The following GSTA2 variants were observed in gnomAD, a reference collection of about 807,000 sequenced individuals.
The protein encoded by GSTA2 is glutathione S-transferase alpha 2.
In GSTA2, 27 loss-of-function variants were observed where a neutral mutation model predicts 22.4. The ratio of observed to expected loss-of-function variants is 1.21; its 90% confidence interval spans 0.89 to 1.67. The LOEUF (loss-of-function observed/expected upper bound fraction) is 1.67, where lower values mean the gene tolerates loss of function less well. Among genes scored for constraint, GSTA2 ranks in the 40% most tolerant of loss-of-function variants. GSTA2 has a pLI of 0.00. For synonymous variants in GSTA2, 121 were observed against 86.8 expected (o/e 1.39, Z -2.19); for missense variants, 302 against 260.2 (o/e 1.16, Z -1.11).
In GSTA2 at chr6:52,758,104, G is replaced by C. The variant is rs1762882652; in HGVS notation, c.-30-127C>G. 6.6e-6 allele frequency: 4 copies of C among 607,846 alleles called. No homozygotes were observed. The Admixed American group carries it at 1.2e-4, about 19-fold the overall frequency. The allele number at this position is 607,846 out of a possible 1,614,324, so 37.7% of individuals were successfully genotyped here. ...ACCTGCCTTCTTCATGACGGTGTTG[G>C]AGGAGTTCCCGGAATGTTTTCTTGG... On this transcript the variant is annotated intron_variant, in intron 1 of 6. Transcript: ENST00000493422.
rs745778130 is a variant in GSTA2, at chr6:52,751,589, G to C, written c.534C>G (p.Phe178Leu). 19 of 1,613,960 alleles carry C rather than the reference G, an allele frequency of 1.2e-5. 1 individual carries two copies. The highest frequency in any genetic ancestry group is 4.2e-6 in the Non-Finnish European group (5 of 1,179,982). The change falls in exon 6 of 7, where the codon TTC (phenylalanine) becomes TTG (leucine). Residue 178 changes from phenylalanine to leucine, a missense_variant. Phe to Leu is a conservative substitution (Grantham distance 22, BLOSUM62 0). Transcript: ENST00000493422. Reference protein sequence around the residue: ...EELDSSLISSFPLLKALKTRI... With the variant: ...EELDSSLISSLPLLKALKTRI... Reference sequence around the variant, plus strand: ...TGAAATGGGTCACCTTCAGCAGAGGGAAGCTGGAAATAAGGCTAGAGTCAA... The same window carrying C: ...TGAAATGGGTCACCTTCAGCAGAGGCAAGCTGGAAATAAGGCTAGAGTCAA...
rs70977382 is a variant in GSTA2, at chr6:52,759,563, G to GTTTTTTTTTT, written c.-30-1596_-30-1587dup. Reference sequence around the variant, plus strand: ...CCTTTAACAACTAATGTATTTATTTGTTTTTTTTTTTTTTTTTTTTTTTTT... The same window carrying GTTTTTTTTTT: ...CCTTTAACAACTAATGTATTTATTTGTTTTTTTTTTTTTTTTTTTTTTTTTTTTTTTTTTT... On this transcript the variant is annotated intron_variant, in intron 1 of 6. Coordinates refer to ENST00000493422, the MANE Select transcript of GSTA2 (RefSeq NM_000846.5). Among the ~76,000 whole-genome samples the GTTTTTTTTTT allele has an allele frequency of 1.8e-3, 62 of 34,190 alleles. 19 individuals carry two copies. The highest frequency in any genetic ancestry group is 2.5e-3 in the Non-Finnish European group (42 of 16,552). 22.4% of individuals were successfully genotyped at this position (34,190 alleles called of 152,430 possible).
chr6:52,750,619 A>G lies in GSTA2; in HGVS notation c.627T>C (p.Asp209=), dbSNP rs370134216. 92 of 1,613,752 alleles carry G rather than the reference A, an allele frequency of 5.7e-5. No homozygotes were observed. Among genetic ancestry groups the G allele is most frequent in the Non-Finnish European group, 1.4e-5 (17 of 1,179,860 alleles). The change falls in exon 7 of 7, where the codon GAT becomes GAC. Residue 209 remains aspartate (D), a synonymous_variant. Transcript: ENST00000493422. The stretch of plus-strand genomic sequence containing the variant: ...TCCTTGATTCTTCTAAAGATTTCTC[A>G]TCCATGGGAGGCTTCCTTGGGCTGC... ...QPGSPRKPPM[D]EKSLEESRKI...
intron 4 of GSTA2, among the ~76,000 whole-genome samples, chr6:52,754,121 T>C (rs1175787983): frequency 6.6e-6 from 1 of 152,262 alleles, no homozygotes; most frequent in Non-Finnish European, 1.5e-5. Flanking sequence ...CTCCATTTAT[T>C]GATTGATGGA....
intron 4 of GSTA2, among the ~76,000 whole-genome samples, chr6:52,753,408 C>T (rs2127285968): frequency 6.6e-6 from 1 of 152,248 alleles, no homozygotes; most frequent in South Asian, 2.1e-4. Context: ...CAAAGACCTG[C>T]TTCCTAAGTA....
intron 1 of GSTA2, among the ~76,000 whole-genome samples, chr6:52,760,822 G>A (rs1451945934): frequency 6.6e-6 from 1 of 152,186 alleles, no homozygotes; most frequent in Non-Finnish European, 1.5e-5. Flanking sequence ...TAATAAAAGT[G>A]TGCCTTTCTC....
chr6:52,750,485 A>G lies in GSTA2; in HGVS notation c.*92T>C, dbSNP rs1300314220. 8.2e-7 allele frequency: 1 copy of G among 1,221,328 alleles called. No homozygotes were observed. The highest frequency in any genetic ancestry group is 1.2e-6 in the Non-Finnish European group (1 of 849,954). The allele number at this position is 1,221,328 out of a possible 1,614,324, so 75.7% of individuals were successfully genotyped here. ...TTTGAAAGAGTTCATTAGCTTCACA[A>G]CAGGCACAATCAACACTTAGGTAAA... is the stretch of plus-strand genomic sequence containing the variant. On this transcript the variant is annotated 3_prime_UTR_variant, in exon 7 of 7. Transcript: ENST00000493422.
At chr6:52,761,568 C>T (rs374944520) in intron 1 of GSTA2, among the ~76,000 whole-genome samples, 1 of 147,872 alleles carries the variant, frequency 6.8e-6, no homozygotes, top group Admixed American at 8.7e-5. Context: ...TGCTTTTTAG[C>T]TCCTGTACAG....
intron 1 of GSTA2, among the ~76,000 whole-genome samples, chr6:52,759,203 T>A (rs1036111430): frequency 2.0e-5 from 3 of 152,218 alleles, no homozygotes; most frequent in East Asian, 1.9e-4. Context: ...TGTGTATGGA[T>A]CTTTGCATGT....
At chr6:52,756,633 T>C (rs1328901344) in intron 2 of GSTA2, among the ~76,000 whole-genome samples, 1 of 152,216 alleles carries the variant, frequency 6.6e-6, no homozygotes, top group Non-Finnish European at 1.5e-5. Context: ...GGTGTTGTCA[T>C]ATCTTAGGAA....
intron 1 of GSTA2, among the ~76,000 whole-genome samples, chr6:52,759,757 C>A (rs1365643879): frequency 6.6e-6 from 1 of 151,458 alleles, no homozygotes; most frequent in Non-Finnish European, 1.5e-5. Context: ...GATAATTTTG[C>A]ATTTTTAGTG....
intron 1 of GSTA2, among the ~76,000 whole-genome samples, chr6:52,761,331 G>C (rs112449747): frequency 6.6e-6 from 1 of 152,140 alleles, no homozygotes; most frequent in East Asian, 1.9e-4. Context: ...ACATGTATCT[G>C]TTTATAATCT....
At chr6:52,751,556 G>C (rs755791341) in intron 6 of GSTA2, 21 bp downstream of exon 6, 9 of 1,613,860 alleles carry the variant, frequency 5.6e-6, no homozygotes, top group South Asian at 5.5e-5. Flanking sequence ...CTGCCTCTCT[G>C]AAGACTGTGA....
At chr6:52,756,169 C>T (rs2127287903) in intron 3 of GSTA2, 89 bp downstream of exon 3, 1 of 822,764 alleles carries the variant, frequency 1.2e-6, no homozygotes, top group Non-Finnish European at 2.1e-6. Flanking sequence ...TACCATGCCC[C>T]ACACCCATAG....
At chr6:52,757,084 A>G (rs1440458650) in intron 2 of GSTA2, among the ~76,000 whole-genome samples, 2 of 127,320 alleles carry the variant, frequency 1.6e-5, no homozygotes, top group East Asian at 4.3e-4. Flanking sequence ...CTTGTTCACT[A>G]TCTCCATGAC....
chr6:52,757,993 A>G lies in GSTA2; in HGVS notation c.-30-16T>C. The G allele has an allele frequency of 3.1e-6, 4 of 1,278,380 alleles. No homozygotes were observed. Among genetic ancestry groups the G allele is most frequent in the Non-Finnish European group, 4.5e-6 (4 of 881,148 alleles). 79.2% of individuals were successfully genotyped at this position (1,278,380 alleles called of 1,614,324 possible). ...TTCTCTAAGCCTGAGTGAATGAATGAATGAATGAATGAATAATTGAAACGA... is the reference window on the plus strand; with the variant it reads ...TTCTCTAAGCCTGAGTGAATGAATGGATGAATGAATGAATAATTGAAACGA... On this transcript the variant is annotated splice_polypyrimidine_tract_variant and intron_variant, in intron 1 of 6. Coordinates refer to ENST00000493422, the MANE Select transcript of GSTA2 (RefSeq NM_000846.5).
chr6:52,763,165 G>A (rs546133011), intron 1 of GSTA2, among the ~76,000 whole-genome samples: 1 of 152,176 alleles, frequency 6.6e-6, no homozygotes, highest in South Asian at 2.1e-4. Context: ...TGTTTAAAAT[G>A]CTACCATTTC....
At chr6:52,756,226 C>T (rs1431986922) in intron 3 of GSTA2, 32 bp downstream of exon 3, 2 of 1,529,688 alleles carry the variant, frequency 1.3e-6, no homozygotes, top group Non-Finnish European at 9.1e-7. Flanking sequence ...TACTAGATAC[C>T]CTCATTAGAG....
At chr6:52,761,921 A>T (rs1360298796) in intron 1 of GSTA2, among the ~76,000 whole-genome samples, 1 of 150,702 alleles carries the variant, frequency 6.6e-6, no homozygotes, top group Non-Finnish European at 1.5e-5. Flanking sequence ...TACTAAGAGA[A>T]ATTCTTCTGC....
Sources: gnomAD v4.1 joint callset for allele counts (sites outside exome capture counted in the v4.1 genomes callset) on GRCh38, gnomAD v4.1.1 for gene constraint, MANE v1.5 for transcripts, NCBI Gene and HGNC (gene_info 2026-07-23, HGNC 2026-07-21) for gene names.